Variants in TRIT1 observed in about 807,000 individuals in gnomAD.
The protein encoded by TRIT1 is tRNA isopentenyltransferase 1.
In TRIT1, 43 loss-of-function variants were observed where a neutral mutation model predicts 51.2. That is an observed-to-expected ratio of 0.84 (90% CI 0.66 to 1.08). TRIT1 has a LOEUF of 1.08. Ranked by LOEUF, TRIT1 falls within the 50% of genes least tolerant of loss-of-function variation. The pLI is 0.00. For missense variants in TRIT1, 528 were observed against 578.4 expected (o/e 0.91, Z 0.89); for synonymous variants, 184 against 203.9 (o/e 0.90, Z 0.83).
intron 1 of TRIT1, among the ~76,000 whole-genome samples, chr1:39,877,328 TAAAA>T (rs57539376): frequency 1.8e-5 from 2 of 113,080 alleles, no homozygotes. Context: ...GTGCTTCTAT[TAAAA>T]AAAAAAAAAA....
chr1:39,867,984 G>A (rs1202577686), intron 1 of TRIT1, among the ~76,000 whole-genome samples: 4 of 149,368 alleles, frequency 2.7e-5, no homozygotes, highest in South Asian at 2.1e-4. Flanking sequence ...TCGCTCTGTC[G>A]CCCAGGCTGG....
chr1:39,865,917 A>AAGGG (rs1643518922), intron 1 of TRIT1, among the ~76,000 whole-genome samples: 1 of 150,730 alleles, frequency 6.6e-6, no homozygotes, highest in African/African-American at 2.4e-5. Flanking sequence ...GAAAGGAAGG[A>AAGGG]AGGGAGGGAA....
chr1:39,862,467 T>G (rs936935197), intron 1 of TRIT1, among the ~76,000 whole-genome samples: 1 of 152,236 alleles, frequency 6.6e-6, no homozygotes, highest in Non-Finnish European at 1.5e-5. Flanking sequence ...TTCAGTTGAG[T>G]TGTGGTTACA....
chr1:39,880,526 C>A (rs551110332), intron 1 of TRIT1, among the ~76,000 whole-genome samples: 12 of 152,246 alleles, frequency 7.9e-5, no homozygotes, highest in Non-Finnish European at 1.2e-4. Flanking sequence ...TTGGGCCAGG[C>A]GCAGTGGCTC....
intron 1 of TRIT1, among the ~76,000 whole-genome samples, chr1:39,869,492 G>A (rs1358653336): frequency 1.3e-5 from 2 of 152,224 alleles, no homozygotes; most frequent in African/African-American, 4.8e-5. Flanking sequence ...GCCTCCCAAA[G>A]TGCCGAGATT....
rs1642285857 is a variant in TRIT1 at position 39,847,309 on chromosome 1, A to G, written c.929-12T>C. 6.2e-7 allele frequency: 1 copy of G among 1,612,634 alleles called. No individual in the cohort carries two copies. Among genetic ancestry groups the G allele is most frequent in the Non-Finnish European group, 8.5e-7 (1 of 1,178,626 alleles). ...CAGAGCCTCAATACCTGAAAGATAC[A>G]GTAGATTTAAGAACATCTAGGTAAG... is the stretch of plus-strand genomic sequence containing the variant. On this transcript the variant is annotated splice_polypyrimidine_tract_variant and intron_variant, in intron 7 of 10. Transcript: ENST00000316891.
At position 39,839,532 on chromosome 1, in the gene TRIT1, A is replaced by C. The variant is rs1179978548; in HGVS notation, c.*2212T>G. ...AAGTCATTCATAGGGGAGCAGGCACAAAAGGGGAAATCTACTCAGGGCAAT... is the reference window on the plus strand; with the variant it reads ...AAGTCATTCATAGGGGAGCAGGCACCAAAGGGGAAATCTACTCAGGGCAAT... On this transcript the variant is annotated 3_prime_UTR_variant, in exon 11 of 11. Coordinates refer to ENST00000316891, the MANE Select transcript of TRIT1 (RefSeq NM_017646.6). Among the ~76,000 whole-genome samples, 1 of 152,218 alleles carries C rather than the reference A, an allele frequency of 6.6e-6. No individual in the cohort carries two copies. Among genetic ancestry groups the C allele is most frequent in the East Asian group, 1.9e-4 (1 of 5,200 alleles).
intron 1 of TRIT1, among the ~76,000 whole-genome samples, chr1:39,869,814 G>A (rs1278916065): frequency 6.6e-6 from 1 of 152,050 alleles, no homozygotes; most frequent in African/African-American, 2.4e-5. Context: ...GAGAAGTGAG[G>A]AGCCCCTCCG....
intron 3 of TRIT1, 22 bp downstream of exon 3, chr1:39,853,948 G>C: frequency 6.6e-7 from 1 of 1,525,220 alleles, no homozygotes; most frequent in Non-Finnish European, 9.1e-7. Flanking sequence ...TCCTCAGTGA[G>C]TTACGAGTGA....
chr1:39,869,227 C>G (rs1305871416), intron 1 of TRIT1, among the ~76,000 whole-genome samples: 1 of 152,148 alleles, frequency 6.6e-6, no homozygotes, highest in Non-Finnish European at 1.5e-5. Context: ...TTCAGCCTGC[C>G]GAGTGCCTGG....
chr1:39,842,027 G>T, intron 10 of TRIT1, 114 bp from the exon 11 acceptor site: 2 of 1,191,470 alleles, frequency 1.7e-6, no homozygotes, highest in Non-Finnish European at 2.3e-6. Context: ...ACAATAAACA[G>T]CAAGATCAAC....
intron 4 of TRIT1, among the ~76,000 whole-genome samples, chr1:39,851,501 G>A (rs1401158890): frequency 6.6e-6 from 1 of 152,146 alleles, no homozygotes; most frequent in African/African-American, 2.4e-5. Context: ...TGTTTAAAAT[G>A]TTTGGATACT....
chr1:39,862,313 T>TAA lies in TRIT1; in HGVS notation c.175-4898_175-4897dup, dbSNP rs35360578. Among the ~76,000 whole-genome samples, 492 of 139,288 alleles carry TAA rather than the reference T, an allele frequency of 3.5e-3. 1 individual carries two copies. The highest frequency in any genetic ancestry group is 0.012 in the African/African-American group (447 of 38,354). The allele number at this position is 139,288 out of a possible 152,430, so 91.4% of individuals were successfully genotyped here. On this transcript the variant is annotated intron_variant, in intron 1 of 10. Coordinates refer to ENST00000316891, the MANE Select transcript of TRIT1 (RefSeq NM_017646.6). ...TAATGGTCAATGTTATATCACAATT[T>TAA]AAAAAAAAAAAAAAAAAGACTTGGA...
In TRIT1 at chr1:39,883,335, T is replaced by C; in HGVS notation, c.157A>G (p.Ser53Gly). 1 of 1,609,186 alleles carries C rather than the reference T, an allele frequency of 6.2e-7. No individual in the cohort carries two copies. Among genetic ancestry groups the C allele is most frequent in the Non-Finnish European group, 8.5e-7 (1 of 1,178,262 alleles). Residue 53 changes from serine (S) to glycine (G), a missense_variant, in exon 1 of 11, where the codon AGC becomes GGC. Ser to Gly is a moderately conservative substitution (Grantham distance 56, BLOSUM62 0). Around this residue, in one of 3 missense-constraint regions of TRIT1, gnomAD observed 468 missense variants for 522.6 expected, o/e 0.90. Transcript: ENST00000316891. ...LGQRLGGEIV[S>G]ADSMQVYEGL... Reference sequence around the variant, plus strand: ...TGCCATACCTGCATGGAGTCAGCGCTGACGATCTCACCGCCGAGCCGCTGG... The same window carrying C: ...TGCCATACCTGCATGGAGTCAGCGCCGACGATCTCACCGCCGAGCCGCTGG...
chr1:39,858,649 G>A (rs1643039336), intron 1 of TRIT1, among the ~76,000 whole-genome samples: 1 of 152,146 alleles, frequency 6.6e-6, no homozygotes, highest in Admixed American at 6.5e-5. Context: ...AAGGCTCTAT[G>A]CTCTTAGTGA....
At chr1:39,863,214 C>T (rs1266362279) in intron 1 of TRIT1, among the ~76,000 whole-genome samples, 1 of 152,160 alleles carries the variant, frequency 6.6e-6, no homozygotes, top group African/African-American at 2.4e-5. Context: ...ACCTATAATC[C>T]CAGCACGTTA....
chr1:39,844,379 G>C, intron 9 of TRIT1, 152 bp downstream of exon 9: 2 of 819,158 alleles, frequency 2.4e-6, no homozygotes, highest in Non-Finnish European at 4.0e-6. Context: ...TGTAAAAGTA[G>C]AAAAGCAGTC....
chr1:39,847,777 C>A, intron 6 of TRIT1, 117 bp from the exon 7 acceptor site: 2 of 1,557,844 alleles, frequency 1.3e-6, no homozygotes, highest in Non-Finnish European at 1.7e-6. Flanking sequence ...AGATCCTGAG[C>A]AGTTACTGAT....
chr1:39,847,947 A>T (rs1375290816), intron 6 of TRIT1, 39 bp downstream of exon 6: 1 of 1,575,428 alleles, frequency 6.3e-7, no homozygotes, highest in East Asian at 2.2e-5. Context: ...TTGTCTGCAA[A>T]ATATGGACAG....
Sources: allele counts gnomAD v4.1 joint callset (sites outside exome capture counted in the v4.1 genomes callset), GRCh38; gene constraint gnomAD v4.1.1; regional missense constraint gnomAD v4.1.1; transcripts MANE v1.5; gene names NCBI Gene and HGNC (gene_info 2026-07-23, HGNC 2026-07-21).